The following SLC24A2 variants were observed in gnomAD, a reference collection of about 807,000 sequenced individuals.
SLC24A2 encodes solute carrier family 24 member 2.
SLC24A2 carries 36 observed loss-of-function variants against 62.0 expected under a neutral mutation model. That is an observed-to-expected ratio of 0.58 (90% CI 0.44 to 0.77). The LOEUF is 0.77. SLC24A2 is among the 30% of genes least tolerant of loss of function. The pLI is 0.00. For missense variants in SLC24A2, 846 were observed against 817.9 expected, an observed-to-expected ratio of 1.03 and a Z score of -0.42; for synonymous variants, 358 against 294.0, an observed-to-expected ratio of 1.22 and a Z score of -2.23.
At chr9:19,580,463 T>C (rs920731837) in intron 5 of SLC24A2, among the ~76,000 whole-genome samples, 7 of 152,164 alleles carry the variant, frequency 4.6e-5, no homozygotes, top group African/African-American at 1.7e-4. Context: ...TTTTGAGAAA[T>C]GCTGTGAGGA....
chr9:19,512,257 C>G lies in SLC24A2; in HGVS notation c.*3896G>C, dbSNP rs1294322670. On this transcript the variant is annotated 3_prime_UTR_variant, in exon 11 of 11. Coordinates refer to ENST00000341998, the MANE Select transcript of SLC24A2 (RefSeq NM_020344.4). The stretch of plus-strand genomic sequence containing the variant: ...GTTTTGCTGAAAGGGCTCCAAACCA[C>G]CTGATTCATGTCTTCCCTATAAAAT... 1.3e-5 allele frequency: 2 copies of G among 152,222 alleles called. No individual in the cohort carries two copies. Among genetic ancestry groups the G allele is most frequent in the African/African-American group, 2.4e-5 (1 of 41,450 alleles). The allele number at this position is 152,222 out of a possible 1,614,324, so 9.4% of individuals were successfully genotyped here.
chr9:19,570,093 C>G (rs1835795326), intron 7 of SLC24A2, among the ~76,000 whole-genome samples: 1 of 152,212 alleles, frequency 6.6e-6, no homozygotes, highest in African/African-American at 2.4e-5. Context: ...ACATGGGCAT[C>G]TCCAGTGCCC....
At chr9:19,809,150 T>C in the SLC24A2 span, among the ~76,000 whole-genome samples, 2 of 152,218 alleles carry the variant, frequency 1.3e-5, no homozygotes, top group African/African-American at 4.8e-5. Flanking sequence ...ACTTTAATTT[T>C]TTTTATACGT....
At chr9:20,128,687 G>A in the SLC24A2 span, among the ~76,000 whole-genome samples, 1 of 152,034 alleles carries the variant, frequency 6.6e-6, no homozygotes, top group Admixed American at 6.6e-5. Context: ...TTCAACAAAG[G>A]TGCTAAGACC....
At chr9:19,552,265 A>G (rs911244566) in intron 7 of SLC24A2, among the ~76,000 whole-genome samples, 67 of 152,144 alleles carry the variant, frequency 4.4e-4, no homozygotes, top group African/African-American at 1.5e-3. Flanking sequence ...TGTAGAGAAT[A>G]TCATTCCCTA....
the SLC24A2 span, among the ~76,000 whole-genome samples, chr9:20,140,176 C>T: frequency 6.6e-6 from 1 of 152,222 alleles, no homozygotes; most frequent in African/African-American, 2.4e-5. Context: ...AGCCATTGGA[C>T]AGGCCTTTAT....
At chr9:20,266,317 G>A in the SLC24A2 span, among the ~76,000 whole-genome samples, 2 of 152,044 alleles carry the variant, frequency 1.3e-5, no homozygotes, top group Non-Finnish European at 2.9e-5. Context: ...TCTCTCTTTT[G>A]TACTCTGTCC....
At chr9:20,199,017 A>G in the SLC24A2 span, among the ~76,000 whole-genome samples, 1 of 152,232 alleles carries the variant, frequency 6.6e-6, no homozygotes, top group African/African-American at 2.4e-5. Flanking sequence ...GGAAAAATAG[A>G]AAAGAAACAG....
At chr9:20,037,549 G>T in the SLC24A2 span, among the ~76,000 whole-genome samples, 1 of 152,216 alleles carries the variant, frequency 6.6e-6, no homozygotes, top group Non-Finnish European at 1.5e-5. Flanking sequence ...ATACTCAGAA[G>T]TGAGATTACT....
intron 7 of SLC24A2, among the ~76,000 whole-genome samples, chr9:19,554,143 C>A (rs922092135): frequency 6.6e-6 from 1 of 152,144 alleles, no homozygotes; most frequent in Non-Finnish European, 1.5e-5. Context: ...CTAGGGGTTC[C>A]TTTGCACAGA....
chr9:19,552,632 A>C (rs932426783), intron 7 of SLC24A2, among the ~76,000 whole-genome samples: 7 of 152,070 alleles, frequency 4.6e-5, no homozygotes, highest in Admixed American at 2.6e-4. Flanking sequence ...TCTGTTCATC[A>C]CTACCATCCA....
intron 6 of SLC24A2, among the ~76,000 whole-genome samples, chr9:19,576,262 A>G (rs1458778957): frequency 6.6e-6 from 1 of 152,242 alleles, no homozygotes; most frequent in Non-Finnish European, 1.5e-5. Context: ...TGAATTTAGA[A>G]TAAGAGAGCT....
chr9:20,214,168 C>A, the SLC24A2 span, among the ~76,000 whole-genome samples: 1 of 152,146 alleles, frequency 6.6e-6, no homozygotes, highest in Non-Finnish European at 1.5e-5. Context: ...TGAACATAGT[C>A]AAATTCACAG....
At chr9:20,029,359 A>T in the SLC24A2 span, among the ~76,000 whole-genome samples, 1 of 152,208 alleles carries the variant, frequency 6.6e-6, no homozygotes, top group Non-Finnish European at 1.5e-5. Context: ...AATGACACCT[A>T]ATGTTTTAAA....
At chr9:20,161,333 T>A in the SLC24A2 span, among the ~76,000 whole-genome samples, 1 of 151,410 alleles carries the variant, frequency 6.6e-6, no homozygotes, top group Non-Finnish European at 1.5e-5. Context: ...CAAAGCTACA[T>A]AAATTGTTTT....
the SLC24A2 span, among the ~76,000 whole-genome samples, chr9:20,300,821 T>C: frequency 1.2e-4 from 18 of 152,230 alleles, no homozygotes; most frequent in African/African-American, 4.3e-4. Flanking sequence ...AATGCTTTGT[T>C]CTAAGCAGCT....
intron 5 of SLC24A2, among the ~76,000 whole-genome samples, chr9:19,578,823 G>C (rs764824027): frequency 1.3e-5 from 2 of 152,096 alleles, no homozygotes; most frequent in Non-Finnish European, 2.9e-5. Context: ...AAAATGACAC[G>C]AGCTGTGACC....
At chr9:19,581,728 T>C (rs1342571887) in intron 5 of SLC24A2, among the ~76,000 whole-genome samples, 1 of 152,180 alleles carries the variant, frequency 6.6e-6, no homozygotes, top group African/African-American at 2.4e-5. Flanking sequence ...ATTGCTCAGA[T>C]ATTTCAGGCA....
chr9:19,663,734 C>T (rs1408008131), intron 2 of SLC24A2, among the ~76,000 whole-genome samples: 1 of 152,194 alleles, frequency 6.6e-6, no homozygotes, highest in African/African-American at 2.4e-5. Context: ...TCTGCCCAAA[C>T]ATTGCCTAAT....
Sources: allele counts gnomAD v4.1 joint callset (sites outside exome capture counted in the v4.1 genomes callset), GRCh38; gene constraint gnomAD v4.1.1; transcripts MANE v1.5; gene names NCBI Gene and HGNC (gene_info 2026-07-23, HGNC 2026-07-21).